ABCA1: variants seen among roughly 807,000 people sequenced by gnomAD.
ABCA1 encodes phospholipid-transporting ATPase ABCA1.
In ABCA1, 133 loss-of-function variants were observed where a neutral mutation model predicts 262.5. The observed-to-expected ratio is 0.51, with a 90% CI of 0.44 to 0.59. ABCA1 has a LOEUF of 0.59. Ranked by LOEUF, ABCA1 falls within the 20% of genes least tolerant of loss-of-function variation. The pLI is 0.00. For missense variants in ABCA1, 2,452 were observed against 2,777.5 expected (o/e 0.88, Z 2.63); for synonymous variants, 1,022 against 1,043.5 (o/e 0.98, Z 0.40).
chr9:104,891,793 C>G (rs1356438488), intron 2 of ABCA1, among the ~76,000 whole-genome samples: 1 of 150,898 alleles, frequency 6.6e-6, no homozygotes, highest in Non-Finnish European at 1.5e-5. Flanking sequence ...TGGTGAAACC[C>G]CATCTCTACT....
At chr9:104,861,847 A>C (rs1214161304) in intron 5 of ABCA1, 47 bp from the exon 6 acceptor site, 1 of 1,573,260 alleles carries the variant, frequency 6.4e-7, no homozygotes. Flanking sequence ...TAACTCAAAA[A>C]AAAAAAAAAA....
At chr9:104,827,363 C>T (rs748308819) in intron 15 of ABCA1, among the ~76,000 whole-genome samples, 194 bp from the exon 16 acceptor site, 3 of 152,184 alleles carry the variant, frequency 2.0e-5, no homozygotes, top group Admixed American at 6.5e-5. Context: ...CCCAAAACTA[C>T]GCAGAAAAAT....
chr9:104,874,800 AGCCGCCC>A (rs1837971859), intron 5 of ABCA1, among the ~76,000 whole-genome samples: 1 of 149,398 alleles, frequency 6.7e-6, no homozygotes, highest in East Asian at 2.0e-4. Context: ...CCGCCCGGCC[AGCCGCCC>A]CGTCCGGGAG....
intron 15 of ABCA1, among the ~76,000 whole-genome samples, chr9:104,827,517 T>G (rs914003190): frequency 6.6e-6 from 1 of 152,334 alleles, no homozygotes; most frequent in South Asian, 2.1e-4. Context: ...AGAAGAGCTG[T>G]GGGAGATAAT....
At chr9:104,787,560 A>G (rs965799228) in intron 46 of ABCA1, among the ~76,000 whole-genome samples, 1 of 152,212 alleles carries the variant, frequency 6.6e-6, no homozygotes, top group African/African-American at 2.4e-5. Context: ...GTAAGGAACT[A>G]TGACCTAGTT....
At chr9:104,808,928 G>C (rs986375939) in intron 30 of ABCA1, among the ~76,000 whole-genome samples, 6 of 152,146 alleles carry the variant, frequency 3.9e-5, no homozygotes, top group Non-Finnish European at 8.8e-5. Context: ...TCACTTAAGG[G>C]TCATATGGAT....
intron 33 of ABCA1, 143 bp downstream of exon 33, chr9:104,803,141 C>A (rs1830484339): frequency 2.2e-6 from 2 of 929,656 alleles, no homozygotes; most frequent in Non-Finnish European, 3.6e-6. Context: ...TCCACATGTT[C>A]ACAGGGCTTC....
chr9:104,900,013 A>T (rs1208139849), intron 2 of ABCA1, among the ~76,000 whole-genome samples: 1 of 152,202 alleles, frequency 6.6e-6, no homozygotes, highest in Non-Finnish European at 1.5e-5. Flanking sequence ...TTCTTTGCCT[A>T]ACAGAAACAG....
chr9:104,806,049 G>T (rs941622875), intron 31 of ABCA1, among the ~76,000 whole-genome samples, 192 bp downstream of exon 31: 12 of 152,106 alleles, frequency 7.9e-5, no homozygotes, highest in African/African-American at 2.4e-4. Flanking sequence ...AGGTTGCAGT[G>T]AGGCAAGATC....
At chr9:104,836,600 T>C (rs921091558) in intron 11 of ABCA1, among the ~76,000 whole-genome samples, 1 of 152,180 alleles carries the variant, frequency 6.6e-6, no homozygotes, top group Non-Finnish European at 1.5e-5. Context: ...TGTAACATCA[T>C]GCTTTTGCTC....
intron 2 of ABCA1, among the ~76,000 whole-genome samples, chr9:104,899,675 T>C (rs990235623): frequency 1.3e-5 from 2 of 151,550 alleles, no homozygotes; most frequent in Non-Finnish European, 2.9e-5. Context: ...GCCTGGGCAA[T>C]AGAGTGAGAC....
In ABCA1 at chr9:104,818,869, G is replaced by C. The variant is rs1478110200; in HGVS notation, c.3256C>G (p.Leu1086Val). 6.2e-7 allele frequency: 1 copy of C among 1,613,382 alleles called. No homozygotes were observed. Among genetic ancestry groups the C allele is most frequent in the South Asian group, 1.1e-5 (1 of 90,986 alleles). The stretch of plus-strand genomic sequence containing the variant: ...GCTTCATCCATGTGGTGTGTAGAGA[G>C]AATAATGGTGCGGCCTGCCAGGCAC... ...LKYRQGRTIILSTHHMDEADV... is the reference protein window; with the variant it reads ...LKYRQGRTIIVSTHHMDEADV... Residue 1086 changes from leucine to valine, a missense_variant, in exon 23 of 50, where the codon CTC becomes GTC. Leu to Val is a conservative substitution (Grantham distance 32). Around this residue, in one of 4 missense-constraint regions of ABCA1, gnomAD observed 665 missense variants for 727.3 expected, o/e 0.91. Transcript: ENST00000374736.
chr9:104,884,668 G>T, intron 3 of ABCA1, 100 bp from the exon 4 acceptor site: 1 of 1,394,974 alleles, frequency 7.2e-7, no homozygotes, highest in Admixed American at 1.7e-5. Flanking sequence ...AAGTCTGTCC[G>T]TCCCATTCCC....
At position 104,828,835 on chromosome 9, in the gene ABCA1, T is replaced by C. The variant is rs10820738; in HGVS notation, c.2115+81A>G. ...CCTTCTCTACCAGAGGCTTGGATTT[T>C]TTTTCTTCTTCTCCTCCCTTAGCCC... On this transcript the variant is annotated intron_variant, in intron 15 of 49. Coordinates refer to ENST00000374736, the MANE Select transcript of ABCA1 (RefSeq NM_005502.4). 0.067 allele frequency: 94,617 copies of C among 1,419,262 alleles called. 4,503 individuals carry two copies. Among genetic ancestry groups the C allele is most frequent in the East Asian group, 0.28 (11,485 of 40,822 alleles). The allele number at this position is 1,419,262 out of a possible 1,614,324, so 87.9% of individuals were successfully genotyped here. A position where few individuals can be genotyped will look rare whatever the true frequency, so the allele number is the denominator to read the frequency against.
chr9:104,838,227 C>G (rs911346315), intron 9 of ABCA1, among the ~76,000 whole-genome samples: 1 of 151,122 alleles, frequency 6.6e-6, no homozygotes, highest in Admixed American at 6.6e-5. Context: ...CGCTTGAACC[C>G]AGGAGGCAGA....
chr9:104,814,437 A>C lies in ABCA1; in HGVS notation c.3777T>G (p.Ala1259=), dbSNP rs1272035120. 3 of 1,614,214 alleles carry C rather than the reference A, an allele frequency of 1.9e-6. No homozygotes were observed. The highest frequency in any genetic ancestry group is 2.5e-6 in the Non-Finnish European group (3 of 1,180,030). Residue 1259 remains alanine, a synonymous_variant, in exon 26 of 50, where the codon GCT becomes GCG. Coordinates refer to ENST00000374736, the MANE Select transcript of ABCA1 (RefSeq NM_005502.4). ...CCTCAAGGCAGTTACCTGAGGTCTC[A>C]GCATCCACCCCACTCTCTTCGGCCA... is the stretch of plus-strand genomic sequence containing the variant. ...LKVAEESGVD[A]ETSDGTLPAR... is the part of the protein sequence containing the mutation.
At position 104,829,093 on chromosome 9, in the gene ABCA1, C is replaced by G; in HGVS notation, c.1938G>C (p.Leu646=). ...MSRSMPLFMT[L]AWIYSVAVII... ...TCACAGCCACTGAGTAAATCCAGGC[C>G]AGCGTCATGAAGAGGGGCATTGACC... Residue 646 remains leucine (L), a synonymous_variant, in exon 15 of 50, where the codon CTG becomes CTC. Transcript: ENST00000374736. 2.5e-6 allele frequency: 4 copies of G among 1,614,150 alleles called. No homozygotes were observed. The highest frequency in any genetic ancestry group is 3.4e-6 in the Non-Finnish European group (4 of 1,180,038).
In ABCA1 at chr9:104,814,488, A is replaced by G. The variant is rs1831554199; in HGVS notation, c.3739-13T>C. The G allele has an allele frequency of 1.9e-6, 3 of 1,613,666 alleles. No homozygotes were observed. The African/African-American group carries it at 4.0e-5, about 22-fold the overall frequency. ...CCTTGAGGAATATCTGGAAAATGAG[A>G]GAGATGAGAACATTATAAGCACCAA... On this transcript the variant is annotated splice_polypyrimidine_tract_variant and intron_variant, in intron 25 of 49. Coordinates refer to ENST00000374736, the MANE Select transcript of ABCA1 (RefSeq NM_005502.4).
intron 33 of ABCA1, 138 bp downstream of exon 33, chr9:104,803,146 G>T: frequency 1.1e-6 from 1 of 951,090 alleles, no homozygotes; most frequent in South Asian, 1.3e-5. Context: ...ATGTTCACAG[G>T]GCTTCTGTCC....
Sources: gnomAD v4.1 joint callset for allele counts (sites outside exome capture counted in the v4.1 genomes callset) on GRCh38, gnomAD v4.1.1 for gene constraint, gnomAD v4.1.1 regional missense constraint, MANE v1.5 for transcripts, NCBI Gene and HGNC (gene_info 2026-07-23, HGNC 2026-07-21) for gene names.